The following COL11A2 variants were observed in gnomAD, a reference collection of about 807,000 sequenced individuals.
The protein encoded by COL11A2 is collagen alpha-2(XI) chain.
COL11A2 carries 116 observed loss-of-function variants against 273.4 expected under a neutral mutation model. That is an observed-to-expected ratio of 0.42 (90% CI 0.36 to 0.49). The LOEUF (loss-of-function observed/expected upper bound fraction) is 0.49, where lower values mean the gene tolerates loss of function less well. COL11A2 is among the 20% of genes least tolerant of loss of function. The pLI is 0.00. For missense variants in COL11A2, 1,866 were observed against 2,309.0 expected, an observed-to-expected ratio of 0.81 and a Z score of 3.93; for synonymous variants, 782 against 864.2, an observed-to-expected ratio of 0.90 and a Z score of 1.67.
chr6:33,186,496 A>T (rs1583375395), intron 5 of COL11A2, 131 bp downstream of exon 5: 1 of 1,530,272 alleles, frequency 6.5e-7, no homozygotes, highest in East Asian at 2.3e-5. Context: ...AGGCTGATGA[A>T]TGAGGACTAG....
rs1771689495 is a variant in COL11A2 at position 33,181,186 on chromosome 6, A to T, written c.1120-16T>A. ...CATGGGCAGCCTGAAGGAGACACAC[A>T]TGTAGCCCCCAGTGGGGCCCGTGAG... On this transcript the variant is annotated splice_polypyrimidine_tract_variant and intron_variant, in intron 8 of 65. Coordinates refer to ENST00000341947, the MANE Select transcript of COL11A2 (RefSeq NM_080680.3). The T allele has an allele frequency of 6.2e-7, 1 of 1,613,984 alleles. No homozygotes were observed. The highest frequency in any genetic ancestry group is 8.5e-7 in the Non-Finnish European group (1 of 1,179,968).
At position 33,188,946 on chromosome 6, in the gene COL11A2, G is replaced by A. The variant is rs1004375113; in HGVS notation, c.443+32C>T. The A allele has an allele frequency of 6.2e-6, 10 of 1,611,384 alleles. No individual in the cohort carries two copies. In the South Asian group the frequency reaches 1.1e-4, roughly 18 times the overall value. On this transcript the variant is annotated intron_variant, in intron 3 of 65. Coordinates refer to ENST00000341947, the MANE Select transcript of COL11A2 (RefSeq NM_080680.3). ...GGGGCACTTCCTCCTGAAAGTGTGG[G>A]CCAGGCAGACCAGAGGAGCAAACAA...
In COL11A2 at chr6:33,186,715, T is replaced by TG; in HGVS notation, c.709dup (p.Gln237ProfsTer33). ...CTGGGCTCTGTGAGGCTGTTGGTTTTGGGGTCTTTCCCTCTGGCCCCCCTC... is the reference window on the plus strand; with the variant it reads ...CTGGGCTCTGTGAGGCTGTTGGTTTTGGGGGTCTTTCCCTCTGGCCCCCCTC... On this transcript the variant is annotated frameshift_variant, in exon 5 of 66. Transcript: ENST00000341947. LOFTEE classifies it high-confidence loss of function. 3 of 1,614,040 alleles carry TG rather than the reference T, an allele frequency of 1.9e-6. No homozygotes were observed. The highest frequency in any genetic ancestry group is 2.5e-6 in the Non-Finnish European group (3 of 1,180,008).
At position 33,164,448 on chromosome 6, in the gene COL11A2, G is replaced by A. The variant is rs773575924; in HGVS notation, c.4889C>T (p.Ser1630Phe). ...TQFSYVDSEG[S>F]PVGVVQLTFL... ...GGTGAGCTGGACCACACCCACTGGG[G>A]AGCCCTCTGAGTCCACGTAAGAGAA... The change falls in exon 65 of 66, where the codon TCC becomes TTC. Residue 1630 changes from serine (S) to phenylalanine (F), a missense_variant. Physicochemically the swap from Ser to Phe is radical, Grantham distance 155. Coordinates refer to ENST00000341947, the MANE Select transcript of COL11A2 (RefSeq NM_080680.3). This position sits in a 1 kb window ranked among gnomAD's most constrained non-coding sequence, Gnocchi z 4.7. 6.4e-7 allele frequency: 1 copy of A among 1,571,484 alleles called. No individual in the cohort carries two copies. Among genetic ancestry groups the A allele is most frequent in the Admixed American group, 1.8e-5 (1 of 54,298 alleles).
rs1373510549 is a variant in COL11A2, at chr6:33,179,582, A to C, written c.1447-95T>G. 6 of 1,444,582 alleles carry C rather than the reference A, an allele frequency of 4.2e-6. No homozygotes were observed. Among genetic ancestry groups the C allele is most frequent in the South Asian group, 1.2e-5 (1 of 82,730 alleles). The allele number at this position is 1,444,582 out of a possible 1,614,324, so 89.5% of individuals were successfully genotyped here. A position where few individuals can be genotyped will look rare whatever the true frequency, so the allele number is the denominator to read the frequency against. On this transcript the variant is annotated intron_variant, in intron 13 of 65. Transcript: ENST00000341947. This position sits in a 1 kb window ranked among gnomAD's most constrained non-coding sequence, Gnocchi z 6.4. ...ATTCACCCTTCCTCTCCTGATCCTC[A>C]TCCACTGCCCAGGATTCTCCCCAAC...
In COL11A2 at chr6:33,192,305, G is replaced by C; in HGVS notation, c.-65C>G. 2 of 1,457,942 alleles carry C rather than the reference G, an allele frequency of 1.4e-6. No individual in the cohort carries two copies. 90.3% of individuals were successfully genotyped at this position (1,457,942 alleles called of 1,614,324 possible). Reference sequence around the variant, plus strand: ...CGGCCTGAGACGCTGGATGCCCTGAGGCTGACAGAAGACAGGGAGCAGACT... The same window carrying C: ...CGGCCTGAGACGCTGGATGCCCTGACGCTGACAGAAGACAGGGAGCAGACT... On this transcript the variant is annotated 5_prime_UTR_variant, in exon 1 of 66. Transcript: ENST00000341947.
At chr6:33,174,350 C>T in intron 31 of COL11A2, 132 bp from the exon 32 acceptor site, 2 of 1,411,214 alleles carry the variant, frequency 1.4e-6, no homozygotes, top group South Asian at 2.5e-5. Flanking sequence ...ACTAAGTGGC[C>T]TTGGACAAAC....
At position 33,172,052 on chromosome 6, in the gene COL11A2, C is replaced by G; in HGVS notation, c.3040G>C (p.Ala1014Pro). 1 of 1,612,964 alleles carries G rather than the reference C, an allele frequency of 6.2e-7. No individual in the cohort carries two copies. Among genetic ancestry groups the G allele is most frequent in the Non-Finnish European group, 8.5e-7 (1 of 1,179,992 alleles). The change falls in exon 41 of 66, where the codon GCA becomes CCA. Residue 1014 changes from alanine (A) to proline (P), a missense_variant and splice_region_variant. By Grantham distance (27) the Ala-to-Pro change is conservative (BLOSUM62 -1). Coordinates refer to ENST00000341947, the MANE Select transcript of COL11A2 (RefSeq NM_080680.3). ...CACTTCCGGAACCCCAGACTCACTG[C>G]AGGGCCAGGGGGGCCAGACGGACCT... The part of the protein sequence containing the change: ...NEGPSGPPGP[A>P]GSPGERGAAG...
chr6:33,188,014 G>C (rs1018359462), intron 4 of COL11A2, among the ~76,000 whole-genome samples: 2 of 151,980 alleles, frequency 1.3e-5, no homozygotes, highest in Admixed American at 1.3e-4. Flanking sequence ...ATGCATAGAT[G>C]AGTAAATAGA....
chr6:33,171,203 G>A, intron 44 of COL11A2, 36 bp from the exon 45 acceptor site: 2 of 1,613,390 alleles, frequency 1.2e-6, no homozygotes, highest in Non-Finnish European at 1.7e-6. Flanking sequence ...CACCAAAACA[G>A]GGAGAGAGAT....
chr6:33,180,603 GC>G, intron 11 of COL11A2, 64 bp downstream of exon 11: 2 of 1,427,092 alleles, frequency 1.4e-6, no homozygotes, highest in Non-Finnish European at 1.9e-6. Flanking sequence ...GGGCATGGTA[GC>G]CCCCCGCTTG....
At position 33,172,035 on chromosome 6, in the gene COL11A2, G is replaced by A; in HGVS notation, c.3042+15C>T. 6.2e-7 allele frequency: 1 copy of A among 1,612,950 alleles called. No individual in the cohort carries two copies. The highest frequency in any genetic ancestry group is 8.5e-7 in the Non-Finnish European group (1 of 1,179,980). ...TCCCGGGTCCTTCCTACCACTTCCG[G>A]AACCCCAGACTCACTGCAGGGCCAG... On this transcript the variant is annotated intron_variant, in intron 41 of 65. Transcript: ENST00000341947.
In COL11A2 at chr6:33,165,624, G is replaced by A. The variant is rs370966667; in HGVS notation, c.4675C>T (p.Arg1559Trp). The A allele has an allele frequency of 3.5e-5, 57 of 1,613,036 alleles. 1 individual carries two copies. Among genetic ancestry groups the A allele is most frequent in the African/African-American group, 1.2e-4 (9 of 74,884 alleles). Residue 1559 changes from arginine (R) to tryptophan (W), a missense_variant, in exon 63 of 66, where the codon CGG becomes TGG. Physicochemically the swap from Arg to Trp is moderately radical, Grantham distance 101 (BLOSUM62 -3). Transcript: ENST00000341947. The surrounding 1 kb of genome is among the most constrained non-coding windows in gnomAD (Gnocchi z 7.7). The stretch of plus-strand genomic sequence containing the variant: ...GGGCTGTCCTGGGTCCCTGTTGGCC[G>A]CCTCATCTGCTCGATCTCCTCCCGC... ...SLREEIEQMRRPTGTQDSPAR... is the reference protein window; with the variant it reads ...SLREEIEQMRWPTGTQDSPAR...
At position 33,172,616 on chromosome 6, in the gene COL11A2, G is replaced by A. The variant is rs764935691; in HGVS notation, c.2812C>T (p.Pro938Ser). 1.5e-5 allele frequency: 24 copies of A among 1,612,338 alleles called. No homozygotes were observed. The Middle Eastern group carries it at 6.6e-4, about 44-fold the overall frequency. Residue 938 changes from proline (P) to serine (S), a missense_variant, in exon 39 of 66, where the codon CCT becomes TCT. Physicochemically the swap from Pro to Ser is moderately conservative, Grantham distance 74 (BLOSUM62 -1). Coordinates refer to ENST00000341947, the MANE Select transcript of COL11A2 (RefSeq NM_080680.3). ...CCTGGGTGACCTCTCTCCCCCATAG[G>A]GCCGGTTTCTCCTGCTGCTCCCTAG... The part of the protein sequence containing the change: ...GPQGAAGETG[P>S]MGERGHPGPP...
At chr6:33,172,942 C>A in intron 38 of COL11A2, 118 bp downstream of exon 38, 2 of 1,129,516 alleles carry the variant, frequency 1.8e-6, no homozygotes, top group Non-Finnish European at 2.6e-6. Flanking sequence ...CCACCATTGA[C>A]CCCAGCCCCA....
At position 33,179,296 on chromosome 6, in the gene COL11A2, A is replaced by G. The variant is rs373772718; in HGVS notation, c.1504-12T>C. On this transcript the variant is annotated splice_polypyrimidine_tract_variant and intron_variant, in intron 14 of 65. Coordinates refer to ENST00000341947, the MANE Select transcript of COL11A2 (RefSeq NM_080680.3). The surrounding 1 kb of genome is among the most constrained non-coding windows in gnomAD (Gnocchi z 6.4). ...CTCCCAGGTTGGCCCTGGGAGAGAG[A>G]AGAGAGGATGGCCGTAAGGAAGGAC... is the stretch of plus-strand genomic sequence containing the variant. 2 of 1,608,756 alleles carry G rather than the reference A, an allele frequency of 1.2e-6. No individual in the cohort carries two copies. Among genetic ancestry groups the G allele is most frequent in the East Asian group, 4.5e-5 (2 of 44,740 alleles).
chr6:33,164,288 T>G lies in COL11A2; in HGVS notation c.5049A>C (p.Lys1683Asn). The change falls in exon 65 of 66, where the codon AAA becomes AAC. Residue 1683 changes from lysine to asparagine, a missense_variant. Coordinates refer to ENST00000341947, the MANE Select transcript of COL11A2 (RefSeq NM_080680.3). The surrounding 1 kb of genome is among the most constrained non-coding windows in gnomAD (Gnocchi z 4.7). The part of the protein sequence containing the change: ...ELSPETSPYV[K>N]EFRDGCQTQQ... Reference sequence around the variant, plus strand: ...CCACCTGGCAGCCATCTCTGAATTCTTTGACATAGGGGCTAGTCTCCGGGC... The same window carrying G: ...CCACCTGGCAGCCATCTCTGAATTCGTTGACATAGGGGCTAGTCTCCGGGC... The G allele has an allele frequency of 6.2e-7, 1 of 1,612,972 alleles. No individual in the cohort carries two copies. The highest frequency in any genetic ancestry group is 8.5e-7 in the Non-Finnish European group (1 of 1,180,002).
Position 33,188,877 on chromosome 6 carries a change from C to T in COL11A2, c.443+101G>A. On this transcript the variant is annotated intron_variant, in intron 3 of 65. Coordinates refer to ENST00000341947, the MANE Select transcript of COL11A2 (RefSeq NM_080680.3). Reference sequence around the variant, plus strand: ...GGGCAGTGGGTAGGTGTGGTGTGGCCCAAAGGGTCTCAAGGGTTTCACAGT... The same window carrying T: ...GGGCAGTGGGTAGGTGTGGTGTGGCTCAAAGGGTCTCAAGGGTTTCACAGT... The T allele has an allele frequency of 3.6e-6, 5 of 1,374,300 alleles. 1 individual carries two copies. In the South Asian group the frequency reaches 5.8e-5, roughly 16 times the overall value. The allele number at this position is 1,374,300 out of a possible 1,614,324, so 85.1% of individuals were successfully genotyped here.
chr6:33,185,307 T>C (rs1426596600), intron 6 of COL11A2, among the ~76,000 whole-genome samples: 12 of 152,086 alleles, frequency 7.9e-5, no homozygotes, highest in Non-Finnish European at 1.0e-4. Flanking sequence ...CTGCCTCTGG[T>C]CCTGGGGCGG....
Sources: gnomAD v4.1 joint callset for allele counts (sites outside exome capture counted in the v4.1 genomes callset) on GRCh38, gnomAD v4.1.1 for gene constraint, Gnocchi (gnomAD v3.1) non-coding constraint, MANE v1.5 for transcripts, NCBI Gene and HGNC (gene_info 2026-07-23, HGNC 2026-07-21) for gene names.